Variants in EYS observed in about 807,000 individuals in gnomAD.
EYS encodes the protein EGF-like photoreceptor maintenance factor, also known as protein eyes shut homolog.
In EYS, 250 loss-of-function variants were observed where a neutral mutation model predicts 282.1. The ratio of observed to expected loss-of-function variants is 0.89; its 90% CI spans 0.80 to 0.98. The LOEUF is 0.98. Ranked by LOEUF, EYS falls within the 50% of genes least tolerant of loss-of-function variation. EYS has a pLI of 0.00. For synonymous variants in EYS, 1,355 were observed against 1,282.9 expected (o/e 1.06, Z -1.20); for missense variants, 4,016 against 3,709.0 (o/e 1.08, Z -2.15).
chr6:65,633,119 A>G lies in EYS; in HGVS notation c.-333+6659T>C, dbSNP rs1340090667. ...CTTGCTACCACAACGTAATCATTGCATTGTTAGGGTTGTGTTTTCTCTGAA... is the reference window on the plus strand; with the variant it reads ...CTTGCTACCACAACGTAATCATTGCGTTGTTAGGGTTGTGTTTTCTCTGAA... On this transcript the variant is annotated intron_variant, in intron 2 of 42. Coordinates refer to ENST00000503581, the MANE Select transcript of EYS (RefSeq NM_001142800.2). Among the ~76,000 whole-genome samples the G allele has an allele frequency of 2.0e-5, 3 of 152,278 alleles. No homozygotes were observed. The East Asian group carries it at 5.8e-4, about 29-fold the overall frequency.
chr6:64,151,866 G>A (rs369371507), intron 31 of EYS, among the ~76,000 whole-genome samples: 35 of 152,146 alleles, frequency 2.3e-4, no homozygotes, highest in East Asian at 1.4e-3. Context: ...GCAAATAGAA[G>A]ATTTGTAATT....
At chr6:65,126,660 A>C (rs1198501729) in intron 12 of EYS, among the ~76,000 whole-genome samples, 2 of 152,204 alleles carry the variant, frequency 1.3e-5, no homozygotes, top group Non-Finnish European at 2.9e-5. Flanking sequence ...ATTCTTATGC[A>C]GTCAGCTAAG....
chr6:65,507,597 T>C (rs1357487393), intron 2 of EYS, among the ~76,000 whole-genome samples: 1 of 152,122 alleles, frequency 6.6e-6, no homozygotes, highest in Admixed American at 6.6e-5. Context: ...CCCACAGTAC[T>C]TAGATACTCT....
intron 2 of EYS, among the ~76,000 whole-genome samples, chr6:65,604,648 A>C (rs910543450): frequency 2.0e-5 from 3 of 152,048 alleles, no homozygotes; most frequent in Admixed American, 6.6e-5. Flanking sequence ...AGTAATAATA[A>C]GGTATTTAAG....
chr6:65,510,008 C>A (rs1291861680), intron 2 of EYS, among the ~76,000 whole-genome samples: 1 of 147,456 alleles, frequency 6.8e-6, no homozygotes, highest in African/African-American at 2.5e-5. Context: ...AGAAAATTTT[C>A]TTTTTTTTTT....
At chr6:64,636,037 C>T (rs894364312) in intron 22 of EYS, among the ~76,000 whole-genome samples, 1 of 151,998 alleles carries the variant, frequency 6.6e-6, no homozygotes, top group Non-Finnish European at 1.5e-5. Context: ...CAACTTCAAT[C>T]CCATCCCCAT....
intron 37 of EYS, among the ~76,000 whole-genome samples, chr6:63,798,342 C>T (rs1770696208): frequency 6.6e-6 from 1 of 152,124 alleles, no homozygotes; most frequent in African/African-American, 2.4e-5. Flanking sequence ...ACAATTTTGA[C>T]ATTATAGTAC....
intron 2 of EYS, among the ~76,000 whole-genome samples, chr6:65,583,663 A>G (rs1764942640): frequency 1.3e-5 from 2 of 152,100 alleles, no homozygotes; most frequent in African/African-American, 4.8e-5. Context: ...TAATACATTC[A>G]TAAATGAACC....
chr6:64,128,741 T>G (rs1017215541), intron 31 of EYS, among the ~76,000 whole-genome samples: 18 of 152,224 alleles, frequency 1.2e-4, no homozygotes, highest in Admixed American at 1.1e-3. Context: ...ACAGTACTTA[T>G]TCATTCAAAA....
Position 64,960,058 on chromosome 6 carries a change from C to T in EYS, c.2260-14144G>A, listed in dbSNP as rs148183149. On this transcript the variant is annotated intron_variant, in intron 14 of 42. Coordinates refer to ENST00000503581, the MANE Select transcript of EYS (RefSeq NM_001142800.2). Reference sequence around the variant, plus strand: ...CACATAAGTGATATTAGTCTTAATGCCTTTCAATTGAATAAAATCAATGGT... The same window carrying T: ...CACATAAGTGATATTAGTCTTAATGTCTTTCAATTGAATAAAATCAATGGT... 5.9e-5 allele frequency among the ~76,000 whole-genome samples: 9 copies of T among 151,790 alleles called. No individual in the cohort carries two copies. In the East Asian group the frequency reaches 1.5e-3, roughly 26 times the overall value.
chr6:64,971,190 G>A, intron 14 of EYS, among the ~76,000 whole-genome samples: 1 of 152,026 alleles, frequency 6.6e-6, no homozygotes, highest in Non-Finnish European at 1.5e-5. Flanking sequence ...AGGAGAAGCA[G>A]CTTCTGCTGC....
chr6:64,886,582 T>C, intron 19 of EYS, 115 bp downstream of exon 19: 1 of 694,606 alleles, frequency 1.4e-6, no homozygotes, highest in South Asian at 3.9e-5. Flanking sequence ...TCTCTTGACA[T>C]TTTTGCCCTG....
rs78131877 is a variant in EYS, at chr6:64,099,923, A to T, written c.6425-17921T>A. Among the ~76,000 whole-genome samples, 161 of 152,314 alleles carry T rather than the reference A, an allele frequency of 1.1e-3. 4 individuals carry two copies. In the East Asian group the frequency reaches 0.028, roughly 27 times the overall value. The stretch of plus-strand genomic sequence containing the variant: ...ATATATTTAAATTATTGCTTTATAT[A>T]GATAATCTTTTCCTTTTTGATTATT... On this transcript the variant is annotated intron_variant, in intron 31 of 42. Coordinates refer to ENST00000503581, the MANE Select transcript of EYS (RefSeq NM_001142800.2).
In EYS at chr6:65,019,486, T is replaced by C. The variant is rs537389217; in HGVS notation, c.2138-21783A>G. On this transcript the variant is annotated intron_variant, in intron 13 of 42. Transcript: ENST00000503581. Reference sequence around the variant, plus strand: ...GACACGTGATCTTAGGCATATGACATTTCCATGCCTCTGATTTCTGATACC... The same window carrying C: ...GACACGTGATCTTAGGCATATGACACTTCCATGCCTCTGATTTCTGATACC... 2.6e-5 allele frequency among the ~76,000 whole-genome samples: 4 copies of C among 152,276 alleles called. No individual in the cohort carries two copies. In the South Asian group the frequency reaches 8.3e-4, roughly 32 times the overall value.
chr6:64,148,682 T>A (rs1774602506), intron 31 of EYS, among the ~76,000 whole-genome samples: 1 of 152,176 alleles, frequency 6.6e-6, no homozygotes, highest in South Asian at 2.1e-4. Flanking sequence ...TACATCTTTA[T>A]CTTTGTCCTA....
chr6:63,726,638 G>C lies in EYS; in HGVS notation c.8114C>G (p.Ser2705Cys), dbSNP rs1230647637. ...SDPSFRSNEL[S>C]WMSFASFHVR... Reference sequence around the variant, plus strand: ...ATGAAAGGAAGCAAAAGACATCCAGGATAACTCATTGCTTCTGAAAGATGG... The same window carrying C: ...ATGAAAGGAAGCAAAAGACATCCAGCATAACTCATTGCTTCTGAAAGATGG... Residue 2705 changes from serine to cysteine, a missense_variant, in exon 42 of 43, where the codon TCC (serine) becomes TGC (cysteine). Ser to Cys is a moderately radical substitution (Grantham distance 112, BLOSUM62 -1). Transcript: ENST00000503581. The C allele has an allele frequency of 2.6e-6, 4 of 1,551,184 alleles. No homozygotes were observed. Among genetic ancestry groups the C allele is most frequent in the Non-Finnish European group, 3.5e-6 (4 of 1,146,762 alleles).
At chr6:64,534,056 A>C (rs1026770551) in intron 26 of EYS, among the ~76,000 whole-genome samples, 1 of 151,860 alleles carries the variant, frequency 6.6e-6, no homozygotes, top group East Asian at 1.9e-4. Flanking sequence ...AACTTTTGCT[A>C]TAATGGGAAT....
chr6:65,124,614 C>T (rs1775665380), intron 12 of EYS, among the ~76,000 whole-genome samples: 1 of 152,136 alleles, frequency 6.6e-6, no homozygotes, highest in Admixed American at 6.5e-5. Context: ...GTGACAGTTG[C>T]ATTAAATCAT....
chr6:64,071,834 T>C (rs1010555135), intron 32 of EYS, among the ~76,000 whole-genome samples: 1 of 151,446 alleles, frequency 6.6e-6, no homozygotes, highest in Non-Finnish European at 1.5e-5. Flanking sequence ...CAAAACCAAC[T>C]CTGAGGAAAA....
Sources: allele counts gnomAD v4.1 joint callset (sites outside exome capture counted in the v4.1 genomes callset), GRCh38; gene constraint gnomAD v4.1.1; transcripts MANE v1.5; gene names NCBI Gene and HGNC (gene_info 2026-07-23, HGNC 2026-07-21).